The following ITSN2 variants were observed in gnomAD, a reference collection of about 807,000 sequenced individuals.
The protein encoded by ITSN2 is intersectin-2.
Under a neutral mutation model 243.7 loss-of-function variants are expected in ITSN2, and 156 were observed. That is an observed-to-expected ratio of 0.64 (90% CI 0.56 to 0.73). The LOEUF (loss-of-function observed/expected upper bound fraction) is 0.73, where lower values mean the gene tolerates loss of function less well. Ranked by LOEUF, ITSN2 falls within the 30% of genes least tolerant of loss-of-function variation. The pLI is 0.00. For missense variants in ITSN2, 1,801 were observed against 1,996.1 expected (o/e 0.90, Z 1.86); for synonymous variants, 703 against 699.9 (o/e 1.00, Z -0.07).
intron 1 of ITSN2, among the ~76,000 whole-genome samples, chr2:24,357,250 G>C (rs1379538123): frequency 6.6e-6 from 1 of 152,164 alleles, no homozygotes; most frequent in Non-Finnish European, 1.5e-5. Flanking sequence ...TGATAGACTG[G>C]ATAAAGAAAA....
At chr2:24,360,619 T>C (rs868804863), upstream of ITSN2, 2 of 152,054 alleles carry the variant, frequency 1.3e-5, no homozygotes, top group African/African-American at 4.8e-5. Context: ...CTCCCCACCC[T>C]CCGGAGCCCG....
intron 17 of ITSN2, among the ~76,000 whole-genome samples, chr2:24,283,242 G>A (rs1199413202): frequency 2.8e-5 from 4 of 142,508 alleles, no homozygotes. Flanking sequence ...TTTTTTTTTT[G>A]AGACAGAGTT....
chr2:24,355,765 C>T (rs1688387998), intron 1 of ITSN2, among the ~76,000 whole-genome samples: 1 of 152,198 alleles, frequency 6.6e-6, no homozygotes, highest in African/African-American at 2.4e-5. Context: ...TTCTGCACAG[C>T]AAAAGAAACT....
chr2:24,328,155 G>T, intron 1 of ITSN2, 40 bp from the exon 2 acceptor site: 1 of 1,473,614 alleles, frequency 6.8e-7, no homozygotes. Context: ...AATACAACAA[G>T]GGCAAATCAC....
intron 15 of ITSN2, among the ~76,000 whole-genome samples, chr2:24,290,641 T>G (rs913715367): frequency 1.3e-5 from 2 of 152,032 alleles, no homozygotes; most frequent in Non-Finnish European, 2.9e-5. Context: ...AATTTATTTC[T>G]GTACATAGAG....
chr2:24,348,808 A>G (rs1202168669), intron 1 of ITSN2, among the ~76,000 whole-genome samples: 2 of 152,254 alleles, frequency 1.3e-5, no homozygotes, highest in African/African-American at 4.8e-5. Context: ...TAACGGGCAG[A>G]AAAGCATTCG....
intron 37 of ITSN2, 107 bp downstream of exon 37, chr2:24,208,130 C>A: frequency 1.0e-6 from 1 of 956,954 alleles, no homozygotes; most frequent in South Asian, 1.4e-5. Context: ...CGCAGCAGGT[C>A]TGGTCTTTCA....
intron 9 of ITSN2, among the ~76,000 whole-genome samples, chr2:24,303,170 G>GA (rs906703092): frequency 2.1e-4 from 31 of 148,914 alleles, no homozygotes; most frequent in East Asian, 3.9e-4. Context: ...TCTACTTACA[G>GA]AAAAAAAAAA....
At position 24,204,729 on chromosome 2, in the gene ITSN2, C is replaced by T. The variant is rs1178172852; in HGVS notation, c.4763-311G>A. The T allele has an allele frequency of 9.3e-6, 5 of 537,452 alleles. No individual in the cohort carries two copies. Among genetic ancestry groups the T allele is most frequent in the Middle Eastern group, 2.8e-4 (1 of 3,542 alleles). The allele number at this position is 537,452 out of a possible 1,614,324, so 33.3% of individuals were successfully genotyped here. A position where few individuals can be genotyped will look rare whatever the true frequency, so the allele number is the denominator to read the frequency against. On this transcript the variant is annotated intron_variant, in intron 38 of 39. Transcript: ENST00000355123. This position sits in a 1 kb window ranked among gnomAD's most constrained non-coding sequence, Gnocchi z 5.1. The stretch of plus-strand genomic sequence containing the variant: ...CTCGGCGCAGACACACTCGGGAAGG[C>T]GGGCACTGGCACTTACTGGGAAAAC...
chr2:24,353,248 AAAG>A (rs1688177135), intron 1 of ITSN2, among the ~76,000 whole-genome samples: 1 of 152,228 alleles, frequency 6.6e-6, no homozygotes, highest in African/African-American at 2.4e-5. Context: ...ATAATCTACG[AAAG>A]AAGAAACAGA....
At chr2:24,285,137 C>T (rs563899067) in intron 16 of ITSN2, among the ~76,000 whole-genome samples, 67 of 152,086 alleles carry the variant, frequency 4.4e-4, no homozygotes, top group African/African-American at 1.4e-3. Context: ...CCTCGTGATC[C>T]GCCCGCCTCA....
intron 25 of ITSN2, 25 bp downstream of exon 25, chr2:24,252,320 T>C: frequency 6.5e-7 from 1 of 1,529,612 alleles, no homozygotes; most frequent in Non-Finnish European, 9.0e-7. Flanking sequence ...TTAACCAGAA[T>C]GGGTTGATTT....
chr2:24,261,816 T>G (rs1226762864), intron 20 of ITSN2, 74 bp from the exon 21 acceptor site: 1 of 1,089,600 alleles, frequency 9.2e-7, no homozygotes, highest in East Asian at 2.5e-5. Flanking sequence ...TGAAAACTAT[T>G]GTATAGTATT....
At chr2:24,304,699 G>A (rs922265992) in intron 8 of ITSN2, among the ~76,000 whole-genome samples, 2 of 152,022 alleles carry the variant, frequency 1.3e-5, no homozygotes, top group African/African-American at 4.8e-5. Context: ...TTCAGCTTTT[G>A]GACCGAAAAA....
At chr2:24,292,426 C>A (rs1680378301) in intron 15 of ITSN2, among the ~76,000 whole-genome samples, 1 of 149,118 alleles carries the variant, frequency 6.7e-6, no homozygotes, top group South Asian at 2.1e-4. Flanking sequence ...GAGGTGGGGG[C>A]TAATATACTT....
intron 1 of ITSN2, among the ~76,000 whole-genome samples, chr2:24,351,164 T>C (rs1226919988): frequency 1.3e-5 from 2 of 152,196 alleles, no homozygotes; most frequent in Non-Finnish European, 2.9e-5. Context: ...TGGAACTACC[T>C]GCCTTCTGAG....
At chr2:24,329,574 T>C (rs1685547301) in intron 1 of ITSN2, among the ~76,000 whole-genome samples, 1 of 152,302 alleles carries the variant, frequency 6.6e-6, no homozygotes. Flanking sequence ...GCCCGTTCCA[T>C]GAATTTTGAG....
intron 1 of ITSN2, among the ~76,000 whole-genome samples, chr2:24,341,883 T>C (rs1687076707): frequency 6.6e-6 from 1 of 151,904 alleles, no homozygotes; most frequent in South Asian, 2.1e-4. Context: ...AGGTAAGATT[T>C]AAGAAAGGGA....
chr2:24,303,633 C>T (rs1187792537), intron 9 of ITSN2, among the ~76,000 whole-genome samples, 166 bp downstream of exon 9: 1 of 152,232 alleles, frequency 6.6e-6, no homozygotes, highest in Non-Finnish European at 1.5e-5. Flanking sequence ...TGCACAATTA[C>T]ATTTGCCTCC....
Sources: gnomAD v4.1 joint callset for allele counts (sites outside exome capture counted in the v4.1 genomes callset) on GRCh38, gnomAD v4.1.1 for gene constraint, Gnocchi (gnomAD v3.1) non-coding constraint, MANE v1.5 for transcripts, NCBI Gene and HGNC (gene_info 2026-07-23, HGNC 2026-07-21) for gene names.